ZNF320: variants seen among roughly 807,000 people sequenced by gnomAD.
ZNF320 encodes zinc finger gene 320.
ZNF320 carries 2 observed loss-of-function variants against 6.8 expected under a neutral mutation model. That is an observed-to-expected ratio of 0.29 (90% CI 0.12 to 0.93). The LOEUF (loss-of-function observed/expected upper bound fraction) is 0.93. ZNF320 is among the 40% of genes least tolerant of loss of function. The pLI, the probability that ZNF320 is intolerant of heterozygous loss-of-function variation, is 0.55. For synonymous variants in ZNF320, 208 were observed against 203.2 expected (o/e 1.02, Z -0.20); for missense variants, 472 against 611.0 (o/e 0.77, Z 2.40).
chr19:52,866,911 G>A (rs181306555), intron 5 of ZNF320, among the ~76,000 whole-genome samples: 3 of 150,410 alleles, frequency 2.0e-5, no homozygotes, highest in East Asian at 2.0e-4. Flanking sequence ...GACTAACAGT[G>A]TCAGACGGCT....
downstream of ZNF320, among the ~76,000 whole-genome samples, chr19:52,859,642 A>G (rs1381934828): frequency 6.6e-6 from 1 of 152,082 alleles, no homozygotes; most frequent in African/African-American, 2.4e-5. Context: ...GAATCAACAC[A>G]TTTTCCATTC....
rs1297397526 is a variant in ZNF320 at position 52,865,610 on chromosome 19, T to C, written c.224-1451A>G. On this transcript the variant is annotated intron_variant, in intron 5 of 5. Transcript: ENST00000673631. ...TTATACATATATTTATATATGAGAT[T>C]ATACATATATATTTATATATGATTA... Among the ~76,000 whole-genome samples the C allele has an allele frequency of 4.9e-5, 6 of 121,262 alleles. 1 individual carries two copies. The highest frequency in any genetic ancestry group is 1.7e-4 in the African/African-American group (5 of 29,194). 79.6% of individuals were successfully genotyped at this position (121,262 alleles called of 152,430 possible).
At chr19:52,866,495 G>A (rs2063575199) in intron 5 of ZNF320, among the ~76,000 whole-genome samples, 1 of 151,968 alleles carries the variant, frequency 6.6e-6, no homozygotes, top group African/African-American at 2.4e-5. Flanking sequence ...GCTCCAAGGA[G>A]GATGAAAAAC....
rs572580941 is a variant in ZNF320, at chr19:52,884,294, G to A, written c.143-2311C>T. Among the ~76,000 whole-genome samples, 6 of 152,248 alleles carry A rather than the reference G, an allele frequency of 3.9e-5. No homozygotes were observed. In the South Asian group the frequency reaches 1.2e-3, roughly 32 times the overall value. ...ACGCTCTTATCACCCAGGCTAGAGT[G>A]TACTGGCAGGATTCTCCTACCTCAA... is the stretch of plus-strand genomic sequence containing the variant. On this transcript the variant is annotated intron_variant, in intron 5 of 5. Transcript: ENST00000682928.
chr19:52,860,732 T>G (rs1329230623), downstream of ZNF320, among the ~76,000 whole-genome samples: 1 of 152,220 alleles, frequency 6.6e-6, no homozygotes, highest in Non-Finnish European at 1.5e-5. Context: ...TGTTTTTCTG[T>G]AGGAGTTTGT....
rs55807311 is a variant in ZNF320 at position 52,868,293 on chromosome 19, G to A, written c.224-4134C>T. Among the ~76,000 whole-genome samples the A allele has an allele frequency of 2.0e-5, 3 of 152,070 alleles. No homozygotes were observed. The East Asian group carries it at 5.8e-4, about 30-fold the overall frequency. ...AGACCGCGGTGGGTGGATCACCTGA[G>A]GTCGGGAGTTCGAGAGCAGTCTGAC... is the stretch of plus-strand genomic sequence containing the variant. On this transcript the variant is annotated intron_variant, in intron 5 of 5. Coordinates refer to the ZNF320 transcript ENST00000673631.
rs538782716 is a variant in ZNF320, at chr19:52,896,469, G to A, written c.-270+1051C>T. Among the ~76,000 whole-genome samples the A allele has an allele frequency of 1.0e-3, 158 of 152,280 alleles. 1 individual carries two copies. Among genetic ancestry groups the A allele is most frequent in the African/African-American group, 3.4e-3 (143 of 41,564 alleles). ...CATGCCTGTAATTCCAGCATTTTGGGAGGGCGATACAGCTGGATCGCTTGA... is the reference window on the plus strand; with the variant it reads ...CATGCCTGTAATTCCAGCATTTTGGAAGGGCGATACAGCTGGATCGCTTGA... On this transcript the variant is annotated intron_variant, in intron 1 of 5. Coordinates refer to ENST00000682928, the MANE Select transcript of ZNF320 (RefSeq NM_001351774.2).
At chr19:52,903,420 G>T in the ZNF320 span, among the ~76,000 whole-genome samples, 8 of 151,952 alleles carry the variant, frequency 5.3e-5, no homozygotes, top group Admixed American at 1.3e-4. Flanking sequence ...TAACTACTGT[G>T]GGGGGCGGGG....
intron 5 of ZNF320, 113 bp from the exon 6 acceptor site, chr19:52,882,096 G>A: frequency 9.2e-7 from 1 of 1,089,440 alleles, no homozygotes; most frequent in Non-Finnish European, 1.3e-6. Context: ...TCCCAAACAT[G>A]AGCTTCAAAG....
exon 6 of ZNF320, chr19:52,861,928 G>T: frequency 2.7e-6 from 1 of 364,184 alleles, no homozygotes; most frequent in South Asian, 2.4e-5. Context: ...ACACCTGTGA[G>T]GTTTCTCTCC....
intron 5 of ZNF320, among the ~76,000 whole-genome samples, chr19:52,868,195 T>C (rs55948857): frequency 5.3e-5 from 8 of 151,534 alleles, no homozygotes; most frequent in Non-Finnish European, 1.2e-4. Flanking sequence ...AGCCATCTAA[T>C]AGCACTAACT....
At position 52,880,451 on chromosome 19, in the gene ZNF320, T is replaced by A; in HGVS notation, c.*145A>T. ...CATGACCTCAAGTGACCTACCTGTC[T>A]TGGCCTCTCAAAGTGCTGGGATTAC... On this transcript the variant is annotated 3_prime_UTR_variant, in exon 6 of 6. Transcript: ENST00000682928. 1.3e-6 allele frequency: 1 copy of A among 772,234 alleles called. No individual in the cohort carries two copies. Among genetic ancestry groups the A allele is most frequent in the Non-Finnish European group, 2.0e-6 (1 of 498,058 alleles). The allele number at this position is 772,234 out of a possible 1,614,324, so 47.8% of individuals were successfully genotyped here.
chr19:52,896,047 CAA>C (rs1404855691), intron 1 of ZNF320, among the ~76,000 whole-genome samples: 1 of 152,030 alleles, frequency 6.6e-6, no homozygotes, highest in Non-Finnish European at 1.5e-5. Flanking sequence ...AGTTGGAAAA[CAA>C]TGATGTGAGC....
At chr19:52,865,470 T>TATATATATATATGTAA (rs1414636050) in intron 5 of ZNF320, 19 of 40,328 alleles carry the variant, frequency 4.7e-4, no homozygotes, top group African/African-American at 1.8e-3. Context: ...TATATATATA[T>TATATATATATATGTAA]TACATATATA....
intron 2 of ZNF320, among the ~76,000 whole-genome samples, chr19:52,892,895 G>A (rs1349729819): frequency 1.3e-5 from 2 of 148,602 alleles, no homozygotes; most frequent in African/African-American, 5.0e-5. Flanking sequence ...TCACTCTGAT[G>A]AGACTCCCTC....
chr19:52,864,023 T>C (rs761478859), exon 6 of ZNF320: 15 of 490,546 alleles, frequency 3.1e-5, no homozygotes, highest in South Asian at 2.2e-4. Context: ...TGGAGGAACA[T>C]TTTCCTCACC....
chr19:52,891,867 A>G (rs2147878544), intron 2 of ZNF320, among the ~76,000 whole-genome samples: 1 of 152,298 alleles, frequency 6.6e-6, no homozygotes, highest in African/African-American at 2.4e-5. Context: ...GAATTCTTAC[A>G]TGGGGGCCCA....
intron 5 of ZNF320, among the ~76,000 whole-genome samples, chr19:52,867,954 T>C (rs1166415078): frequency 6.6e-6 from 1 of 152,046 alleles, no homozygotes; most frequent in Non-Finnish European, 1.5e-5. Context: ...CATGTTGGAC[T>C]GACTGGTCTC....
Position 52,878,604 on chromosome 19 carries a change from A to C in ZNF320, c.*1992T>G, listed in dbSNP as rs368516518. ...AACTTAAAATAAGTTTTCCATTTAC[A>C]AACTGGTGATTTATTTTGGGAATCG... On this transcript the variant is annotated 3_prime_UTR_variant, in exon 6 of 6. Coordinates refer to ENST00000682928, the MANE Select transcript of ZNF320 (RefSeq NM_001351774.2). 6.6e-6 allele frequency: 1 copy of C among 152,240 alleles called. No homozygotes were observed. Among genetic ancestry groups the C allele is most frequent in the African/African-American group, 2.4e-5 (1 of 41,550 alleles). 9.4% of individuals were successfully genotyped at this position (152,240 alleles called of 1,614,324 possible).
Sources: gnomAD v4.1 joint callset for allele counts (sites outside exome capture counted in the v4.1 genomes callset) on GRCh38, gnomAD v4.1.1 for gene constraint, MANE v1.5 for transcripts, NCBI Gene and HGNC (gene_info 2026-07-23, HGNC 2026-07-21) for gene names.